CFAP299: variants seen among roughly 807,000 people sequenced by gnomAD.
The protein encoded by CFAP299 is cilia- and flagella-associated protein 299.
In CFAP299, 21 loss-of-function variants were observed where a neutral mutation model predicts 27.0. That is an observed-to-expected ratio of 0.78 (90% CI 0.55 to 1.12). The LOEUF is 1.12. Ranked by LOEUF, CFAP299 falls within the 50% of genes most tolerant of loss-of-function variation. The pLI, the probability that CFAP299 is intolerant of heterozygous loss-of-function variation, is 0.00. For missense variants in CFAP299, 310 were observed against 276.6 expected (o/e 1.12, Z -0.86); for synonymous variants, 104 against 98.1 (o/e 1.06, Z -0.36).
At chr4:80,943,836 A>G (rs1737326763) in intron 4 of CFAP299, among the ~76,000 whole-genome samples, 1 of 152,100 alleles carries the variant, frequency 6.6e-6, no homozygotes, top group Non-Finnish European at 1.5e-5. Flanking sequence ...TGGGAGGCCA[A>G]GGTGGGCAGA....
chr4:80,866,890 A>T (rs189072856), intron 3 of CFAP299, among the ~76,000 whole-genome samples: 28 of 152,310 alleles, frequency 1.8e-4, no homozygotes, highest in Admixed American at 9.8e-4. Flanking sequence ...AAATGTATAT[A>T]ATTTTAGATT....
chr4:80,330,906 G>T (rs1402494524), upstream of CFAP299, among the ~76,000 whole-genome samples: 1 of 152,178 alleles, frequency 6.6e-6, no homozygotes, highest in Non-Finnish European at 1.5e-5. Context: ...TACGTTAGAT[G>T]CTGAGGATAT....
intron 2 of CFAP299, among the ~76,000 whole-genome samples, chr4:80,480,867 T>A (rs1482219432): frequency 1.3e-5 from 2 of 152,066 alleles, no homozygotes; most frequent in African/African-American, 2.4e-5. Flanking sequence ...AAAATATTTT[T>A]AAAATTATTC....
At chr4:80,549,637 A>T (rs1233140592) in intron 2 of CFAP299, among the ~76,000 whole-genome samples, 2 of 152,170 alleles carry the variant, frequency 1.3e-5, no homozygotes, top group Non-Finnish European at 2.9e-5. Context: ...CACGTTTTTG[A>T]TGAAGTTCTT....
At chr4:80,906,392 T>G (rs1484138383) in intron 4 of CFAP299, among the ~76,000 whole-genome samples, 1 of 152,206 alleles carries the variant, frequency 6.6e-6, no homozygotes, top group Non-Finnish European at 1.5e-5. Context: ...AGGTGCATGG[T>G]GCAAGCTGCC....
chr4:80,658,595 A>G (rs1740680983), intron 3 of CFAP299, among the ~76,000 whole-genome samples: 1 of 152,018 alleles, frequency 6.6e-6, no homozygotes, highest in African/African-American at 2.4e-5. Flanking sequence ...AAACCAGGAA[A>G]AGTGTTCTGG....
intron 3 of CFAP299, among the ~76,000 whole-genome samples, chr4:80,783,741 A>G (rs1464805919): frequency 6.6e-6 from 1 of 152,178 alleles, no homozygotes; most frequent in African/African-American, 2.4e-5. Flanking sequence ...GGAATCTTTC[A>G]AAATTTGTTT....
intron 2 of CFAP299, among the ~76,000 whole-genome samples, chr4:80,547,402 T>C (rs953055277): frequency 6.6e-6 from 1 of 152,108 alleles, no homozygotes; most frequent in African/African-American, 2.4e-5. Flanking sequence ...AATTTAAATG[T>C]AAGACCTAAA....
At chr4:80,911,244 ATCT>A (rs1735459184) in intron 4 of CFAP299, among the ~76,000 whole-genome samples, 1 of 78,524 alleles carries the variant, frequency 1.3e-5, no homozygotes, top group Admixed American at 1.3e-4. Flanking sequence ...GGACCATTTT[ATCT>A]TCTTTTCTAT....
At chr4:80,783,325 C>A (rs921776107) in intron 3 of CFAP299, among the ~76,000 whole-genome samples, 4 of 152,094 alleles carry the variant, frequency 2.6e-5, no homozygotes, top group African/African-American at 9.7e-5. Flanking sequence ...GGAACTAGAT[C>A]ACAACCTGAA....
chr4:80,870,937 C>T (rs754726320), intron 4 of CFAP299: 16 of 945,802 alleles, frequency 1.7e-5, no homozygotes, highest in African/African-American at 3.5e-5. Context: ...GATGGAGTCT[C>T]GCTCTGTCGC....
intron 1 of CFAP299, among the ~76,000 whole-genome samples, chr4:80,353,782 A>C (rs1442624616): frequency 2.0e-5 from 3 of 152,194 alleles, no homozygotes; most frequent in Non-Finnish European, 2.9e-5. Context: ...GAAATAGAGA[A>C]ATCACCTCTA....
At chr4:80,893,194 A>T (rs568478379) in intron 4 of CFAP299, among the ~76,000 whole-genome samples, 1 of 151,818 alleles carries the variant, frequency 6.6e-6, no homozygotes, top group East Asian at 1.9e-4. Context: ...TGAAAAAACT[A>T]TACACTGAAA....
chr4:80,557,307 C>A (rs1468586129), intron 2 of CFAP299, among the ~76,000 whole-genome samples: 5 of 152,094 alleles, frequency 3.3e-5, no homozygotes, highest in Admixed American at 2.6e-4. Context: ...TTGTGTCTCA[C>A]AAAAGCAGTT....
At chr4:80,868,126 T>G (rs190143058) in intron 3 of CFAP299, among the ~76,000 whole-genome samples, 1 of 152,194 alleles carries the variant, frequency 6.6e-6, no homozygotes, top group Non-Finnish European at 1.5e-5. Context: ...AACATACAAG[T>G]TTATTTCAAA....
intron 2 of CFAP299, among the ~76,000 whole-genome samples, chr4:80,403,921 A>G (rs570156409): frequency 2.6e-5 from 4 of 152,170 alleles, no homozygotes; most frequent in Non-Finnish European, 4.4e-5. Flanking sequence ...TTTTATATGT[A>G]TTATGAACAA....
the CFAP299 span, among the ~76,000 whole-genome samples, chr4:80,329,478 T>C: frequency 1.3e-5 from 2 of 152,120 alleles, no homozygotes; most frequent in African/African-American, 4.8e-5. Flanking sequence ...GTAATTTACA[T>C]TACTGATTAC....
intron 3 of CFAP299, among the ~76,000 whole-genome samples, chr4:80,799,618 ATT>A (rs1230414595): frequency 3.1e-5 from 1 of 32,394 alleles, no homozygotes. Flanking sequence ...TATATTATAT[ATT>A]TATAAATATA....
chr4:80,911,407 AT>A (rs1012695263), intron 4 of CFAP299, among the ~76,000 whole-genome samples: 1 of 152,132 alleles, frequency 6.6e-6, no homozygotes, highest in African/African-American at 2.4e-5. Context: ...ATACAAGTAA[AT>A]GTGTTTATTT....
Sources: gnomAD v4.1 joint callset for allele counts (sites outside exome capture counted in the v4.1 genomes callset) on GRCh38, gnomAD v4.1.1 for gene constraint, MANE v1.5 for transcripts, NCBI Gene and HGNC (gene_info 2026-07-23, HGNC 2026-07-21) for gene names.